Variants in HCN1 observed in about 807,000 individuals in gnomAD.
HCN1 encodes the protein hyperpolarization activated cyclic nucleotide gated potassium channel 1.
HCN1 carries 13 observed loss-of-function variants against 78.9 expected under a neutral mutation model. That is an observed-to-expected ratio of 0.16 (90% CI 0.11 to 0.26). The LOEUF (loss-of-function observed/expected upper bound fraction) is 0.26. Ranked by LOEUF, HCN1 falls within the 10% of genes least tolerant of loss-of-function variation. The pLI is 1.00. For synonymous variants in HCN1, 552 were observed against 455.5 expected, an observed-to-expected ratio of 1.21 and a Z score of -2.70; for missense variants, 810 against 1,154.3, an observed-to-expected ratio of 0.70 and a Z score of 4.32.
rs574763555 is a variant in HCN1 at position 45,627,034 on chromosome 5, T to C, written c.849+18151A>G. 3.2e-4 allele frequency among the ~76,000 whole-genome samples: 49 copies of C among 152,012 alleles called. No individual in the cohort carries two copies. The South Asian group carries it at 9.8e-3, about 30-fold the overall frequency. ...ATGTGTGTGTACATATATATATAAC[T>C]GGGTCCATTCATTTTCCTGCACTTC... On this transcript the variant is annotated intron_variant, in intron 2 of 7. Coordinates refer to ENST00000303230, the MANE Select transcript of HCN1 (RefSeq NM_021072.4).
At chr5:45,269,158 G>A (rs1445237719) in intron 6 of HCN1, among the ~76,000 whole-genome samples, 3 of 152,168 alleles carry the variant, frequency 2.0e-5, no homozygotes, top group Non-Finnish European at 4.4e-5. Context: ...ATGGAAAAGG[G>A]AATTAACAGT....
At chr5:45,372,402 A>T (rs1200072036) in intron 4 of HCN1, among the ~76,000 whole-genome samples, 1 of 118,460 alleles carries the variant, frequency 8.4e-6, no homozygotes, top group Non-Finnish European at 1.6e-5. Context: ...AATTATATAA[A>T]ATATAATTAT....
intron 5 of HCN1, among the ~76,000 whole-genome samples, chr5:45,331,332 C>T (rs1334951097): frequency 6.6e-6 from 1 of 151,136 alleles, no homozygotes; most frequent in Non-Finnish European, 1.5e-5. Flanking sequence ...AACACAGCTT[C>T]CTAGGGAACA....
chr5:45,650,657 T>G (rs1479654296), intron 1 of HCN1, among the ~76,000 whole-genome samples: 1 of 152,042 alleles, frequency 6.6e-6, no homozygotes, highest in Non-Finnish European at 1.5e-5. Context: ...TAAAATAATT[T>G]TCATAGGCCA....
At chr5:45,646,483 C>T (rs1164963555) in intron 1 of HCN1, among the ~76,000 whole-genome samples, 2 of 150,480 alleles carry the variant, frequency 1.3e-5, no homozygotes, top group East Asian at 3.9e-4. Flanking sequence ...TGATTCTCCT[C>T]CCGCCTCAGC....
rs569994328 is a variant in HCN1 at position 45,307,944 on chromosome 5, A to C, written c.1378-4105T>G. On this transcript the variant is annotated intron_variant, in intron 5 of 7. Transcript: ENST00000303230. ...CTATTTCTGAAACTTTTTTGCTGAT[A>C]TAGTTTGGATGCTTGGCACTTCATG... Among the ~76,000 whole-genome samples, 8 of 152,102 alleles carry C rather than the reference A, an allele frequency of 5.3e-5. No individual in the cohort carries two copies. In the South Asian group the frequency reaches 1.7e-3, roughly 32 times the overall value.
chr5:45,428,619 AT>A (rs1740398866), intron 3 of HCN1, among the ~76,000 whole-genome samples: 1 of 152,102 alleles, frequency 6.6e-6, no homozygotes, highest in Non-Finnish European at 1.5e-5. Flanking sequence ...GCAACTGCAC[AT>A]TTTTATATTA....
At chr5:45,682,272 CATATAT>C (rs548796805) in intron 1 of HCN1, among the ~76,000 whole-genome samples, 2 of 109,822 alleles carry the variant, frequency 1.8e-5, no homozygotes, top group Non-Finnish European at 1.8e-5. Flanking sequence ...TATATATATA[CATATAT>C]ATATATATAT....
At chr5:45,340,331 C>T (rs1287019155) in intron 5 of HCN1, among the ~76,000 whole-genome samples, 2 of 152,180 alleles carry the variant, frequency 1.3e-5, no homozygotes, top group Non-Finnish European at 2.9e-5. Context: ...TAAGGGTACA[C>T]ATTACTAGGG....
chr5:45,565,267 C>A (rs1252438489), intron 2 of HCN1, among the ~76,000 whole-genome samples: 1 of 152,102 alleles, frequency 6.6e-6, no homozygotes, highest in Non-Finnish European at 1.5e-5. Flanking sequence ...CCAGTGGGAG[C>A]AATGAATGGA....
intron 1 of HCN1, among the ~76,000 whole-genome samples, chr5:45,667,306 G>A (rs1386048127): frequency 6.6e-6 from 1 of 151,898 alleles, no homozygotes; most frequent in Non-Finnish European, 1.5e-5. Context: ...GTCCTGGTGG[G>A]TAGAAGCTCC....
chr5:45,496,182 G>C (rs1351811688), intron 2 of HCN1, among the ~76,000 whole-genome samples: 1 of 152,150 alleles, frequency 6.6e-6, no homozygotes, highest in Non-Finnish European at 1.5e-5. Flanking sequence ...AATGGTACCA[G>C]TTCCTCCTTG....
chr5:45,392,544 TATC>T (rs1386136307), intron 4 of HCN1, among the ~76,000 whole-genome samples: 4 of 152,052 alleles, frequency 2.6e-5, no homozygotes, highest in Non-Finnish European at 5.9e-5. Context: ...CACTAATAGT[TATC>T]ATATATAGGC....
In HCN1 at chr5:45,262,582, G is replaced by A. The variant is rs1489927262; in HGVS notation, c.2012C>T (p.Thr671Ile). ...GTGCAGGTTGCTGTGAGACAGGCTG[G>A]TCGCTGTGTACACCGGTGGAGATTG... ...RTQSPPVYTA[T>I]SLSHSNLHSP... is the part of the protein sequence containing the mutation. The change falls in exon 8 of 8, where the codon ACC becomes ATC. Residue 671 changes from threonine to isoleucine, a missense_variant. Physicochemically the swap from Thr to Ile is moderately conservative, Grantham distance 89 (BLOSUM62 -1). This residue lies in a region of HCN1 where 398 missense variants were observed against 381.3 expected (regional missense o/e 1.04). Coordinates refer to ENST00000303230, the MANE Select transcript of HCN1 (RefSeq NM_021072.4). 6.2e-7 allele frequency: 1 copy of A among 1,613,902 alleles called. No homozygotes were observed. Among genetic ancestry groups the A allele is most frequent in the African/African-American group, 1.3e-5 (1 of 74,890 alleles).
chr5:45,563,956 A>G (rs1743656421), intron 2 of HCN1, among the ~76,000 whole-genome samples: 3 of 152,174 alleles, frequency 2.0e-5, no homozygotes, highest in Non-Finnish European at 1.5e-5. Context: ...AACTATGCCC[A>G]TAGGTTAGAG....
At chr5:45,623,516 C>A (rs1485571939) in intron 2 of HCN1, among the ~76,000 whole-genome samples, 1 of 152,176 alleles carries the variant, frequency 6.6e-6, no homozygotes, top group Non-Finnish European at 1.5e-5. Context: ...ATCCTCAATT[C>A]TTTTCCCATC....
intron 2 of HCN1, among the ~76,000 whole-genome samples, chr5:45,587,661 C>T (rs1744261983): frequency 6.6e-6 from 1 of 151,978 alleles, no homozygotes; most frequent in Non-Finnish European, 1.5e-5. Context: ...AACAAACCTG[C>T]ACGTTGTGTA....
intron 5 of HCN1, among the ~76,000 whole-genome samples, chr5:45,327,068 T>C (rs1213077580): frequency 6.6e-6 from 1 of 151,686 alleles, no homozygotes; most frequent in East Asian, 1.9e-4. Context: ...TATCTCTGCT[T>C]TACTATGTGG....
chr5:45,576,548 C>T (rs941952854), intron 2 of HCN1: 3 of 152,066 alleles, frequency 2.0e-5, no homozygotes, highest in Admixed American at 1.3e-4. Flanking sequence ...TCTGGTCAGA[C>T]AGCAGTCATC....
Sources: allele counts gnomAD v4.1 joint callset (sites outside exome capture counted in the v4.1 genomes callset), GRCh38; gene constraint gnomAD v4.1.1; regional missense constraint gnomAD v4.1.1; transcripts MANE v1.5; gene names NCBI Gene and HGNC (gene_info 2026-07-23, HGNC 2026-07-21).